TSSK4: variants seen among roughly 807,000 people sequenced by gnomAD.
TSSK4 encodes the protein testis specific serine kinase 4.
Under a neutral mutation model 28.5 loss-of-function variants are expected in TSSK4, and 22 were observed. The ratio of observed to expected loss-of-function variants is 0.77; its 90% CI spans 0.55 to 1.10. The LOEUF (loss-of-function observed/expected upper bound fraction) is 1.10, where lower values mean the gene tolerates loss of function less well. Ranked by LOEUF, TSSK4 falls within the 50% of genes least tolerant of loss-of-function variation. TSSK4 has a pLI of 0.00. For missense variants in TSSK4, 329 were observed against 415.4 expected (o/e 0.79, Z 1.81); for synonymous variants, 151 against 158.3 (o/e 0.95, Z 0.35).
rs1014384816 is a variant in TSSK4, at chr14:24,206,495, T to C, written c.226-14T>C. On this transcript the variant is annotated splice_polypyrimidine_tract_variant and intron_variant, in intron 1 of 3. Coordinates refer to ENST00000339917, the MANE Select transcript of TSSK4 (RefSeq NM_001184739.2). ...TCCCTTCCCAGGTTTGATGGGTCCT[T>C]CTTCTGGGGTCAGGTAATGAAAGTC... 8 of 1,614,020 alleles carry C rather than the reference T, an allele frequency of 5.0e-6. No individual in the cohort carries two copies. Among genetic ancestry groups the C allele is most frequent in the Non-Finnish European group, 6.8e-6 (8 of 1,179,920 alleles).
intron 1 of TSSK4, 65 bp downstream of exon 1, chr14:24,206,213 G>T: frequency 6.6e-7 from 1 of 1,510,572 alleles, no homozygotes; most frequent in Non-Finnish European, 9.2e-7. Context: ...TTTCTCAGAA[G>T]GGGTATGGCC....
Position 24,208,157 on chromosome 14 carries a change from G to A in TSSK4, c.*11G>A. ...CAAATTACGACCTGAAAATGGCTGA[G>A]GGAGGGGGCTAAGAGAGGAGCAAAG... On this transcript the variant is annotated 3_prime_UTR_variant, in exon 4 of 4. Transcript: ENST00000339917. 2 of 1,596,230 alleles carry A rather than the reference G, an allele frequency of 1.3e-6. No individual in the cohort carries two copies. The highest frequency in any genetic ancestry group is 1.7e-6 in the Non-Finnish European group (2 of 1,166,452).
chr14:24,206,069 T>C lies in TSSK4; in HGVS notation c.146T>C (p.Val49Ala), dbSNP rs779477458. The change falls in exon 1 of 4, where the codon GTT (valine) becomes GCT (alanine). Residue 49 changes from valine to alanine, a missense_variant. Around this residue, in one of 3 missense-constraint regions of TSSK4, gnomAD observed 175 missense variants for 196.0 expected, o/e 0.89. Coordinates refer to ENST00000339917, the MANE Select transcript of TSSK4 (RefSeq NM_001184739.2). ...GAGGCTTTCTACACAAAGCAGAAGGTTATGGTGGCAGTCAAGATCATCTCA... is the reference window on the plus strand; with the variant it reads ...GAGGCTTTCTACACAAAGCAGAAGGCTATGGTGGCAGTCAAGATCATCTCA... ...VYEAFYTKQKVMVAVKIISKK... is the reference protein window; with the variant it reads ...VYEAFYTKQKAMVAVKIISKK... 6.2e-7 allele frequency: 1 copy of C among 1,614,056 alleles called. No individual in the cohort carries two copies. The highest frequency in any genetic ancestry group is 2.2e-5 in the East Asian group (1 of 44,882).
chr14:24,206,429 T>C (rs931019831), intron 1 of TSSK4, 80 bp from the exon 2 acceptor site: 19 of 1,458,972 alleles, frequency 1.3e-5, no homozygotes, highest in Admixed American at 5.1e-5. Flanking sequence ...CCTAAGTCAG[T>C]AGCTGAGGGT....
intron 3 of TSSK4, 165 bp from the exon 4 acceptor site, chr14:24,207,799 C>T (rs2138855696): frequency 1.5e-6 from 2 of 1,362,172 alleles, no homozygotes; most frequent in Non-Finnish European, 1.0e-6. Context: ...CCTTCCCCTC[C>T]AGGGAGTTAA....
In TSSK4 at chr14:24,208,183, C is replaced by T. The variant is rs1566657794; in HGVS notation, c.*37C>T. On this transcript the variant is annotated 3_prime_UTR_variant, in exon 4 of 4. Coordinates refer to ENST00000339917, the MANE Select transcript of TSSK4 (RefSeq NM_001184739.2). Reference sequence around the variant, plus strand: ...GGAGGGGGCTAAGAGAGGAGCAAAGCAGGAGGTCTTGGGCTAAAAATCTTT... The same window carrying T: ...GGAGGGGGCTAAGAGAGGAGCAAAGTAGGAGGTCTTGGGCTAAAAATCTTT... 6.5e-7 allele frequency: 1 copy of T among 1,545,920 alleles called. No individual in the cohort carries two copies. The highest frequency in any genetic ancestry group is 8.7e-7 in the Non-Finnish European group (1 of 1,145,090).
At chr14:24,206,865 C>T in intron 2 of TSSK4, 142 bp downstream of exon 2, 1 of 1,034,042 alleles carries the variant, frequency 9.7e-7, no homozygotes, top group Non-Finnish European at 1.4e-6. Context: ...ATCATATGGT[C>T]AAGGATACTG....
chr14:24,207,831 A>C, intron 3 of TSSK4, 133 bp from the exon 4 acceptor site: 1 of 1,545,004 alleles, frequency 6.5e-7, no homozygotes, highest in Non-Finnish European at 8.7e-7. Context: ...TCCAAGATAA[A>C]ATCAGAGCCA....
chr14:24,206,821 C>G, intron 2 of TSSK4, 98 bp downstream of exon 2: 2 of 1,305,670 alleles, frequency 1.5e-6, no homozygotes, highest in South Asian at 2.6e-5. Flanking sequence ...GAACTCCCTC[C>G]TCAATATCTA....
chr14:24,206,178 G>A, intron 1 of TSSK4, 30 bp downstream of exon 1: 1 of 1,601,532 alleles, frequency 6.2e-7, no homozygotes, highest in South Asian at 1.1e-5. Context: ...GAGGGAACTG[G>A]AGCTTGGTAC....
chr14:24,207,761 G>A lies in TSSK4; in HGVS notation c.835-203G>A, dbSNP rs2039546392. On this transcript the variant is annotated intron_variant, in intron 3 of 3. Coordinates refer to ENST00000339917, the MANE Select transcript of TSSK4 (RefSeq NM_001184739.2). ...TCTCTTTAGGCCAGAAGGGAAATAT[G>A]GAAAGCATTCCTCCCAAGGAACTCT... is the stretch of plus-strand genomic sequence containing the variant. 9.1e-6 allele frequency: 10 copies of A among 1,094,352 alleles called. No homozygotes were observed. The South Asian group carries it at 1.3e-4, about 14-fold the overall frequency. 67.8% of individuals were successfully genotyped at this position (1,094,352 alleles called of 1,614,324 possible).
Position 24,206,543 on chromosome 14 carries a change from A to G in TSSK4, c.260A>G (p.Asn87Ser). 4 of 1,614,166 alleles carry G rather than the reference A, an allele frequency of 2.5e-6. No individual in the cohort carries two copies. The South Asian group carries it at 4.4e-5, about 18-fold the overall frequency. Residue 87 changes from asparagine (N) to serine (S), a missense_variant, in exon 2 of 4, where the codon AAC becomes AGC. This residue lies in a region of TSSK4 where 175 missense variants were observed against 196.0 expected (regional missense o/e 0.89). Transcript: ENST00000339917. The stretch of plus-strand genomic sequence containing the variant: ...GTCTTGCGGCACAAGTACCTCATCA[A>G]CTTCTATCGGGCCATTGAGAGCACA... ...MKVLRHKYLI[N>S]FYRAIESTSR...
chr14:24,207,522 T>C lies in TSSK4; in HGVS notation c.834+13T>C. ...CCAGGAGTGCAAGGTACTGGCTACC[T>C]AAGGAGGGCTGAGCCTTCAGGGATG... On this transcript the variant is annotated intron_variant, in intron 3 of 3. Transcript: ENST00000339917. 1 of 1,586,152 alleles carries C rather than the reference T, an allele frequency of 6.3e-7. No homozygotes were observed. Among genetic ancestry groups the C allele is most frequent in the South Asian group, 1.2e-5 (1 of 86,128 alleles).
chr14:24,207,774 C>T lies in TSSK4; in HGVS notation c.835-190C>T, dbSNP rs1237389635. On this transcript the variant is annotated intron_variant, in intron 3 of 3. Transcript: ENST00000339917. ...GAAGGGAAATATGGAAAGCATTCCT[C>T]CCAAGGAACTCTTCCCTTCCCCTCC... The T allele has an allele frequency of 3.4e-6, 4 of 1,161,912 alleles. No homozygotes were observed. The East Asian group carries it at 1.0e-4, about 30-fold the overall frequency. The allele number at this position is 1,161,912 out of a possible 1,614,324, so 72.0% of individuals were successfully genotyped here.
Position 24,206,589 on chromosome 14 carries a change from G to A in TSSK4, c.306G>A (p.Leu102=). Residue 102 remains leucine (L), a synonymous_variant, in exon 2 of 4, where the codon CTG becomes CTA. Coordinates refer to ENST00000339917, the MANE Select transcript of TSSK4 (RefSeq NM_001184739.2). ...IESTSRVYII[L]ELAQGGDVLE... ...GCACATCTCGAGTATACATCATTCT[G>A]GAACTGGCTCAGGGTGGTGATGTCC... The A allele has an allele frequency of 6.2e-7, 1 of 1,614,198 alleles. No individual in the cohort carries two copies. Among genetic ancestry groups the A allele is most frequent in the Non-Finnish European group, 8.5e-7 (1 of 1,180,016 alleles).
chr14:24,206,219 TGGCCAGGAGGGGTGG>T lies in TSSK4; in HGVS notation c.225+78_225+92del, dbSNP rs1192164655. The T allele has an allele frequency of 6.2e-6, 9 of 1,447,644 alleles. No individual in the cohort carries two copies. In the Admixed American group the frequency reaches 1.6e-4, roughly 25 times the overall value. 89.7% of individuals were successfully genotyped at this position (1,447,644 alleles called of 1,614,324 possible). On this transcript the variant is annotated intron_variant, in intron 1 of 3. Coordinates refer to ENST00000339917, the MANE Select transcript of TSSK4 (RefSeq NM_001184739.2). Reference sequence around the variant, plus strand: ...TGCTTGAGGTTTCTCAGAAGGGGTATGGCCAGGAGGGGTGGGGCCAGAAACCCCTAAACCAGAACT... The same window carrying T: ...TGCTTGAGGTTTCTCAGAAGGGGTATGGCCAGAAACCCCTAAACCAGAACT...
intron 1 of TSSK4, 25 bp from the exon 2 acceptor site, chr14:24,206,484 T>G (rs780491244): frequency 5.0e-6 from 8 of 1,613,490 alleles, no homozygotes; most frequent in African/African-American, 4.0e-5. Flanking sequence ...TTCCCAGGTT[T>G]GATGGGTCCT....
At position 24,206,513 on chromosome 14, in the gene TSSK4, T is replaced by C. The variant is rs1177856462; in HGVS notation, c.230T>C (p.Met77Thr). 4.3e-6 allele frequency: 7 copies of C among 1,614,178 alleles called. No individual in the cohort carries two copies. The highest frequency in any genetic ancestry group is 5.9e-6 in the Non-Finnish European group (7 of 1,180,012). ...NKFLPREIQV[M>T]KVLRHKYLIN... ...GGGTCCTTCTTCTGGGGTCAGGTAA[T>C]GAAAGTCTTGCGGCACAAGTACCTC... is the stretch of plus-strand genomic sequence containing the variant. The change falls in exon 2 of 4, where the codon ATG (methionine) becomes ACG (threonine). Residue 77 changes from methionine (M) to threonine (T), a missense_variant. Around this residue, in one of 3 missense-constraint regions of TSSK4, gnomAD observed 175 missense variants for 196.0 expected, o/e 0.89. Coordinates refer to ENST00000339917, the MANE Select transcript of TSSK4 (RefSeq NM_001184739.2).
rs2039513516 is a variant in TSSK4, at chr14:24,206,146, C to T, written c.223C>T (p.Gln75Ter). 1 of 1,613,662 alleles carries T rather than the reference C, an allele frequency of 6.2e-7. No homozygotes were observed. The highest frequency in any genetic ancestry group is 8.5e-7 in the Non-Finnish European group (1 of 1,179,890). ...YLNKFLPREI[Q>*]VMKVLRHKYL... ...TAACAAGTTCCTGCCCCGTGAAATA[C>T]AGGTTGGAAAGGGGGCTGGAAGAGG... is the stretch of plus-strand genomic sequence containing the variant. Residue 75 changes from glutamine (Q) to a stop codon, truncating the protein, a stop_gained and splice_region_variant, in exon 1 of 4, where the codon CAG (glutamine) becomes TAG (stop). Coordinates refer to ENST00000339917, the MANE Select transcript of TSSK4 (RefSeq NM_001184739.2). LOFTEE classifies it high-confidence loss of function.
Sources: gnomAD v4.1 joint callset for allele counts on GRCh38, gnomAD v4.1.1 for gene constraint, gnomAD v4.1.1 regional missense constraint, MANE v1.5 for transcripts, NCBI Gene and HGNC (gene_info 2026-07-23, HGNC 2026-07-21) for gene names.